The following HM13 variants were observed in gnomAD, a reference collection of about 807,000 sequenced individuals.
The protein encoded by HM13 is signal peptide peptidase.
HM13 carries 18 observed loss-of-function variants against 50.0 expected under a neutral mutation model. The observed-to-expected ratio is 0.36, with a 90% CI of 0.25 to 0.53. The LOEUF is 0.53. Ranked by LOEUF, HM13 falls within the 20% of genes least tolerant of loss-of-function variation. The pLI is 0.90. For missense variants in HM13, 393 were observed against 552.4 expected (o/e 0.71, Z 2.89); for synonymous variants, 197 against 232.6 (o/e 0.85, Z 1.39).
At chr20:31,564,733 G>A (rs372726174) in intron 10 of HM13, among the ~76,000 whole-genome samples, 14 of 151,710 alleles carry the variant, frequency 9.2e-5, no homozygotes, top group East Asian at 5.8e-4. Context: ...AATATTAGCC[G>A]GGCATGGTGG....
chr20:31,549,724 G>C (rs1290180513), intron 6 of HM13, among the ~76,000 whole-genome samples: 1 of 152,250 alleles, frequency 6.6e-6, no homozygotes, highest in Non-Finnish European at 1.5e-5. Flanking sequence ...ACTGACGTCA[G>C]CCTGACTCAG....
At chr20:31,556,022 A>T (rs1984296575) in intron 8 of HM13, among the ~76,000 whole-genome samples, 1 of 149,120 alleles carries the variant, frequency 6.7e-6, no homozygotes, top group African/African-American at 2.5e-5. Context: ...ATATATATAA[A>T]ATTATTATTT....
Position 31,514,686 on chromosome 20 carries a change from G to A in HM13, c.135G>A (p.Leu45=), listed in dbSNP as rs1981658426. 1.9e-6 allele frequency: 3 copies of A among 1,554,930 alleles called. No individual in the cohort carries two copies. The East Asian group carries it at 7.2e-5, about 37-fold the overall frequency. The part of the protein sequence containing the change: ...AYGSLLLMAL[L]PIFFGALRSV... ...GCAGCCTCCTGCTCATGGCGCTGCT[G>A]CCCATCTTCTTCGGCGCCCTGCGCT... Residue 45 remains leucine (L), a synonymous_variant, in exon 1 of 13, where the codon CTG becomes CTA. Transcript: ENST00000398174. This position sits in a 1 kb window ranked among gnomAD's most constrained non-coding sequence, Gnocchi z 4.3.
At chr20:31,557,703 C>CCTT (rs1984391348) in intron 8 of HM13, among the ~76,000 whole-genome samples, 1 of 80,906 alleles carries the variant, frequency 1.2e-5, no homozygotes, top group Non-Finnish European at 2.2e-5. Context: ...GGCAGTGCTT[C>CCTT]TTTTTTTTTT....
intron 12 of HM13, 53 bp from the exon 13 acceptor site, chr20:31,569,067 C>T: frequency 7.7e-7 from 1 of 1,306,572 alleles, no homozygotes; most frequent in Non-Finnish European, 1.1e-6. Flanking sequence ...CAAGGTTCTG[C>T]TCACCCTCTC....
At chr20:31,559,364 C>T (rs972657951) in intron 8 of HM13, among the ~76,000 whole-genome samples, 1 of 152,176 alleles carries the variant, frequency 6.6e-6, no homozygotes, top group Non-Finnish European at 1.5e-5. Context: ...CACGGTGTGA[C>T]ATAGTATGAT....
chr20:31,533,560 A>G (rs558949972), intron 2 of HM13, among the ~76,000 whole-genome samples: 3 of 152,192 alleles, frequency 2.0e-5, no homozygotes, highest in Non-Finnish European at 2.9e-5. Context: ...ACATCCCACA[A>G]ATAGGCCATG....
chr20:31,563,735 C>G (rs193117214), intron 10 of HM13, among the ~76,000 whole-genome samples: 2 of 152,114 alleles, frequency 1.3e-5, no homozygotes, highest in Non-Finnish European at 2.9e-5. Context: ...CAAGGGCATG[C>G]GGGAAAGACT....
chr20:31,536,015 C>A (rs1325267576), intron 2 of HM13, among the ~76,000 whole-genome samples: 1 of 152,168 alleles, frequency 6.6e-6, no homozygotes, highest in Non-Finnish European at 1.5e-5. Context: ...TTCTCCCTGT[C>A]CCCCCAAGCC....
chr20:31,514,692 C>A lies in HM13; in HGVS notation c.141C>A (p.Ile47=), dbSNP rs1314688420. 6.4e-7 allele frequency: 1 copy of A among 1,552,526 alleles called. No individual in the cohort carries two copies. The highest frequency in any genetic ancestry group is 2.0e-5 in the Admixed American group (1 of 51,112). Residue 47 remains isoleucine, a synonymous_variant, in exon 1 of 13, where the codon ATC becomes ATA. Transcript: ENST00000398174. The surrounding 1 kb of genome is among the most constrained non-coding windows in gnomAD (Gnocchi z 4.3). ...GSLLLMALLP[I]FFGALRSVRC... is the part of the protein sequence containing the mutation. ...TCCTGCTCATGGCGCTGCTGCCCAT[C>A]TTCTTCGGCGCCCTGCGCTCCGTAC... is the stretch of plus-strand genomic sequence containing the variant.
intron 2 of HM13, among the ~76,000 whole-genome samples, chr20:31,530,161 G>A (rs1982725739): frequency 1.3e-5 from 2 of 151,962 alleles, no homozygotes; most frequent in South Asian, 4.2e-4. Context: ...CATCAATAAT[G>A]TACATCATTT....
intron 9 of HM13, among the ~76,000 whole-genome samples, chr20:31,560,837 TTAGAA>T (rs1568799450): frequency 6.6e-6 from 1 of 152,220 alleles, no homozygotes; most frequent in African/African-American, 2.4e-5. Context: ...AGCCGAAGGC[TTAGAA>T]GCACCCAGGA....
chr20:31,567,714 C>G (rs1315872831), intron 11 of HM13: 1 of 180,956 alleles, frequency 5.5e-6, no homozygotes, highest in Non-Finnish European at 1.1e-5. Flanking sequence ...CAGTGTTACA[C>G]AGACATTCAG....
At chr20:31,528,249 A>G (rs1250585170) in intron 2 of HM13, among the ~76,000 whole-genome samples, 2 of 152,230 alleles carry the variant, frequency 1.3e-5, no homozygotes, top group East Asian at 3.8e-4. Flanking sequence ...AAGTATATCA[A>G]TAGAGGGAAA....
chr20:31,524,238 ACTTTT>A (rs1982350165), intron 1 of HM13, among the ~76,000 whole-genome samples: 1 of 151,914 alleles, frequency 6.6e-6, no homozygotes, highest in Non-Finnish European at 1.5e-5. Flanking sequence ...AGACCCTGTC[ACTTTT>A]CTTTAAAAAA....
intron 7 of HM13, 101 bp downstream of exon 7, chr20:31,550,222 T>TGTACC (rs1202718247): frequency 1.2e-6 from 1 of 842,188 alleles, no homozygotes; most frequent in East Asian, 2.4e-5. Context: ...CTCTTCCCCA[T>TGTACC]GTACCTCTTC....
At chr20:31,555,771 C>T (rs1408638744) in intron 8 of HM13, among the ~76,000 whole-genome samples, 1 of 151,490 alleles carries the variant, frequency 6.6e-6, no homozygotes, top group Non-Finnish European at 1.5e-5. Context: ...GAGTTCAAGA[C>T]CAGTCTGGAC....
intron 1 of HM13, among the ~76,000 whole-genome samples, chr20:31,523,294 C>T (rs1261419749): frequency 2.8e-5 from 4 of 145,358 alleles, no homozygotes; most frequent in Non-Finnish European, 4.5e-5. Flanking sequence ...GACAGAGTCT[C>T]GCTGTCCACC....
rs866694711 is a variant in HM13 at position 31,517,243 on chromosome 20, C to T, written c.183+2509C>T. On this transcript the variant is annotated intron_variant, in intron 1 of 12. Transcript: ENST00000398174. ...CAAGGGTCAAGGTGTCCATAACAGG[C>T]AGGGAAAATTGTGAAATCATGGAGA... Among the ~76,000 whole-genome samples, 5 of 152,210 alleles carry T rather than the reference C, an allele frequency of 3.3e-5. No homozygotes were observed. The South Asian group carries it at 1.0e-3, about 32-fold the overall frequency.
Sources: gnomAD v4.1 joint callset for allele counts (sites outside exome capture counted in the v4.1 genomes callset) on GRCh38, gnomAD v4.1.1 for gene constraint, Gnocchi (gnomAD v3.1) non-coding constraint, MANE v1.5 for transcripts, NCBI Gene and HGNC (gene_info 2026-07-23, HGNC 2026-07-21) for gene names.